The following RNF220 variants were observed in gnomAD, a reference collection of about 807,000 sequenced individuals.
RNF220 encodes the protein E3 ubiquitin-protein ligase RNF220.
A neutral mutation model predicts 67.1 loss-of-function variants in RNF220; 7 were observed. The ratio of observed to expected loss-of-function variants is 0.10; its 90% confidence interval spans 0.06 to 0.20. RNF220 has a LOEUF of 0.20. RNF220 is among the 10% of genes least tolerant of loss of function. The pLI is 1.00. For missense variants in RNF220, 565 were observed against 740.3 expected (o/e 0.76, Z 2.75); for synonymous variants, 270 against 283.2 (o/e 0.95, Z 0.47).
At chr1:44,597,796 T>G (rs1666628511) in intron 2 of RNF220, among the ~76,000 whole-genome samples, 1 of 152,126 alleles carries the variant, frequency 6.6e-6, no homozygotes, top group Non-Finnish European at 1.5e-5. Context: ...CACTCTTACA[T>G]GGACCTCTTT....
intron 2 of RNF220, among the ~76,000 whole-genome samples, chr1:44,441,941 G>A (rs535684636): frequency 2.4e-4 from 37 of 152,280 alleles, no homozygotes; most frequent in South Asian, 1.2e-3. Context: ...AGAGGAATAA[G>A]TTATATGGTA....
At chr1:44,593,092 G>GAGC (rs1292854990) in intron 2 of RNF220, among the ~76,000 whole-genome samples, 1 of 152,156 alleles carries the variant, frequency 6.6e-6, no homozygotes, top group Non-Finnish European at 1.5e-5. Flanking sequence ...ACAGATCCAG[G>GAGC]AGCAGACCAT....
intron 2 of RNF220, among the ~76,000 whole-genome samples, chr1:44,512,208 G>A (rs1659068838): frequency 6.6e-6 from 1 of 152,156 alleles, no homozygotes; most frequent in South Asian, 2.1e-4. Context: ...TCTCATTTTG[G>A]ATGGGGAGAA....
intron 2 of RNF220, among the ~76,000 whole-genome samples, chr1:44,512,717 G>T (rs182678452): frequency 3.6e-4 from 55 of 152,342 alleles, no homozygotes; most frequent in South Asian, 1.0e-3. Flanking sequence ...GAGGCGGCAG[G>T]AGTGGAGAGG....
chr1:44,625,320 G>T (rs1448578623), intron 4 of RNF220, among the ~76,000 whole-genome samples: 1 of 152,230 alleles, frequency 6.6e-6, no homozygotes, highest in African/African-American at 2.4e-5. Context: ...GGGCAAGTCA[G>T]GGAGCCCTGC....
intron 2 of RNF220, among the ~76,000 whole-genome samples, chr1:44,609,089 T>C (rs1228525174): frequency 2.6e-5 from 4 of 152,178 alleles, no homozygotes; most frequent in African/African-American, 9.7e-5. Context: ...GGCAGCTCTG[T>C]TGAATTCTGC....
chr1:44,644,768 T>A lies in RNF220; in HGVS notation c.1197T>A (p.Asp399Glu). Residue 399 changes from aspartate to glutamate, a missense_variant, in exon 9 of 15, where the codon GAT (aspartate) becomes GAA (glutamate). Coordinates refer to ENST00000361799, the MANE Select transcript of RNF220 (RefSeq NM_018150.4). ...DSDADLDVDG[D>E]DTLEYGKPQY... ...ATGCTGACTTGGATGTGGATGGGGA[T>A]GACACTCTGGAGTATGGGAAGCCAC... The A allele has an allele frequency of 6.2e-7, 1 of 1,614,038 alleles. No homozygotes were observed. Among genetic ancestry groups the A allele is most frequent in the Non-Finnish European group, 8.5e-7 (1 of 1,179,954 alleles).
intron 2 of RNF220, among the ~76,000 whole-genome samples, chr1:44,457,445 A>T (rs1653305651): frequency 6.6e-6 from 1 of 152,210 alleles, no homozygotes; most frequent in South Asian, 2.1e-4. Flanking sequence ...AGAAAATGAC[A>T]CAGAGATACT....
At chr1:44,463,485 C>T (rs997478441) in intron 2 of RNF220, among the ~76,000 whole-genome samples, 5 of 151,582 alleles carry the variant, frequency 3.3e-5, no homozygotes, top group South Asian at 2.1e-4. Context: ...AATGATTTGT[C>T]GTTCTAATAA....
chr1:44,515,820 A>G (rs1247734005), intron 2 of RNF220, among the ~76,000 whole-genome samples: 2 of 152,226 alleles, frequency 1.3e-5, no homozygotes, highest in East Asian at 3.8e-4. Flanking sequence ...TAGCACAGAG[A>G]TGGCAACCTT....
intron 2 of RNF220, among the ~76,000 whole-genome samples, chr1:44,440,221 A>G (rs997883444): frequency 1.3e-5 from 2 of 152,258 alleles, no homozygotes; most frequent in African/African-American, 2.4e-5. Flanking sequence ...GACTACCCAC[A>G]TGTGACTAGT....
intron 3 of RNF220, among the ~76,000 whole-genome samples, chr1:44,616,893 A>G (rs147848882): frequency 1.2e-4 from 19 of 152,214 alleles, no homozygotes; most frequent in African/African-American, 4.3e-4. Flanking sequence ...CACACCTGCA[A>G]TGTCCAGGGC....
chr1:44,635,446 G>A, intron 6 of RNF220, 99 bp from the exon 7 acceptor site: 1 of 1,526,892 alleles, frequency 6.5e-7, no homozygotes, highest in South Asian at 1.2e-5. Flanking sequence ...AAAGGCCAAT[G>A]GCTGGCAAGA....
intron 3 of RNF220, among the ~76,000 whole-genome samples, chr1:44,617,836 T>A (rs1643625902): frequency 6.6e-6 from 1 of 152,022 alleles, no homozygotes; most frequent in Non-Finnish European, 1.5e-5. Context: ...CAAAGGCACA[T>A]CTTTGGAGGC....
chr1:44,458,179 C>CT (rs1160200004), intron 2 of RNF220, among the ~76,000 whole-genome samples: 1 of 152,032 alleles, frequency 6.6e-6, no homozygotes, highest in East Asian at 1.9e-4. Context: ...GGTAGGATCA[C>CT]TTGAACCCAG....
At chr1:44,605,526 C>A (rs1332870583) in intron 2 of RNF220, among the ~76,000 whole-genome samples, 15 of 152,272 alleles carry the variant, frequency 9.9e-5, no homozygotes, top group Admixed American at 1.3e-4. Flanking sequence ...GCTATGCATT[C>A]TGCTACATGC....
At chr1:44,626,481 TCTC>T (rs1181192771) in intron 5 of RNF220, 83 bp downstream of exon 5, 3 of 1,088,098 alleles carry the variant, frequency 2.8e-6, no homozygotes, top group Non-Finnish European at 4.2e-6. Context: ...TAACTCCTCC[TCTC>T]CTCTGTAGGC....
At chr1:44,614,331 G>A (rs1452260618) in intron 3 of RNF220, 34 bp downstream of exon 3, 2 of 1,609,692 alleles carry the variant, frequency 1.2e-6, no homozygotes, top group South Asian at 2.2e-5. Flanking sequence ...GCCTGCTGGA[G>A]GAGTCCACTC....
chr1:44,578,083 G>A (rs1318129928), intron 2 of RNF220, among the ~76,000 whole-genome samples: 1 of 151,106 alleles, frequency 6.6e-6, no homozygotes, highest in Non-Finnish European at 1.5e-5. Context: ...CTCAGATGAT[G>A]GGTAGAATCT....
Sources: gnomAD v4.1 joint callset for allele counts (sites outside exome capture counted in the v4.1 genomes callset) on GRCh38, gnomAD v4.1.1 for gene constraint, MANE v1.5 for transcripts, NCBI Gene and HGNC (gene_info 2026-07-23, HGNC 2026-07-21) for gene names.